The following EML5 variants were observed in gnomAD, a reference collection of about 807,000 sequenced individuals.
EML5 encodes echinoderm microtubule-associated protein-like 5.
A neutral mutation model predicts 250.0 loss-of-function variants in EML5; 120 were observed. The ratio of observed to expected loss-of-function variants is 0.48; its 90% CI spans 0.41 to 0.56. EML5 has a LOEUF of 0.56. EML5 is among the 20% of genes least tolerant of loss of function. The pLI, the probability that EML5 is intolerant of heterozygous loss-of-function variation, is 0.00. For missense variants in EML5, 2,006 were observed against 2,437.6 expected (o/e 0.82, Z 3.73); for synonymous variants, 771 against 806.5 (o/e 0.96, Z 0.75).
Position 88,614,938 on chromosome 14 carries a change from CTT to C in EML5, c.*878_*879del, listed in dbSNP as rs910960711. On this transcript the variant is annotated 3_prime_UTR_variant, in exon 44 of 44. Transcript: ENST00000554922. ...TAATGTTGTATATGTGAATTTAACA[CTT>C]TTGTTTACATGTTAAACAAATGTGT... 1 of 152,172 alleles carries C rather than the reference CTT, an allele frequency of 6.6e-6. No homozygotes were observed. Among genetic ancestry groups the C allele is most frequent in the African/African-American group, 2.4e-5 (1 of 41,462 alleles). 9.4% of individuals were successfully genotyped at this position (152,172 alleles called of 1,614,324 possible).
intron 20 of EML5, among the ~76,000 whole-genome samples, chr14:88,683,365 A>G (rs1238770590): frequency 6.6e-6 from 1 of 152,182 alleles, no homozygotes; most frequent in Non-Finnish European, 1.5e-5. Context: ...CTGTGGCACA[A>G]TTTATACCCA....
chr14:88,645,045 T>C (rs184751142), intron 29 of EML5, among the ~76,000 whole-genome samples: 2 of 126,984 alleles, frequency 1.6e-5, no homozygotes, highest in African/African-American at 5.0e-5. Flanking sequence ...CTTTCTTTTT[T>C]AGACCAAGTT....
intron 21 of EML5, among the ~76,000 whole-genome samples, chr14:88,666,840 T>C (rs748732198): frequency 3.9e-5 from 6 of 152,124 alleles, no homozygotes; most frequent in South Asian, 2.1e-4. Flanking sequence ...TGAAAAGTTA[T>C]AGCATAAGTT....
In EML5 at chr14:88,736,546, C is replaced by T; in HGVS notation, c.867G>A (p.Val289=). 6.2e-7 allele frequency: 1 copy of T among 1,614,016 alleles called. No individual in the cohort carries two copies. The highest frequency in any genetic ancestry group is 8.5e-7 in the Non-Finnish European group (1 of 1,179,898). The part of the protein sequence containing the change: ...QGYKGLSVRS[V]CWRGDHILVG... ...CTAGAATGTGGTCACCTCGCCAACA[C>T]ACACTCCTTACAGACAAACCTAGTA... Residue 289 remains valine, a synonymous_variant, in exon 7 of 44, where the codon GTG becomes GTA. Transcript: ENST00000554922.
chr14:88,791,179 G>T (rs896025486), intron 1 of EML5, among the ~76,000 whole-genome samples: 3 of 152,148 alleles, frequency 2.0e-5, no homozygotes, highest in Non-Finnish European at 4.4e-5. Context: ...ACGCAAAACA[G>T]AAGAACAACT....
chr14:88,749,184 A>T (rs2094053626), intron 2 of EML5, among the ~76,000 whole-genome samples: 2 of 152,206 alleles, frequency 1.3e-5, no homozygotes, highest in South Asian at 4.1e-4. Flanking sequence ...AACAGCAGCC[A>T]GACAAAAAAG....
chr14:88,732,308 T>C (rs1248351280), intron 7 of EML5, among the ~76,000 whole-genome samples: 1 of 152,194 alleles, frequency 6.6e-6, no homozygotes, highest in Non-Finnish European at 1.5e-5. Context: ...CCCAGCACCA[T>C]TTATTAAATA....
intron 36 of EML5, chr14:88,623,743 C>T (rs2089473029): frequency 6.6e-6 from 1 of 152,186 alleles, no homozygotes; most frequent in Non-Finnish European, 1.5e-5. Flanking sequence ...AAAACAGAAG[C>T]ATATTTATTC....
At position 88,663,056 on chromosome 14, in the gene EML5, T is replaced by C. The variant is rs1450745016; in HGVS notation, c.3473A>G (p.Lys1158Arg). The change falls in exon 24 of 44, where the codon AAA becomes AGA. Residue 1158 changes from lysine to arginine, a missense_variant. Physicochemically the swap from Lys to Arg is conservative, Grantham distance 26 (BLOSUM62 2). This residue lies in a region of EML5 where 1,375 missense variants were observed against 1,590.3 expected (regional missense o/e 0.86). Coordinates refer to ENST00000554922, the MANE Select transcript of EML5 (RefSeq NM_183387.3). ...EQLFFEAPRG[K>R]KQTIPSVEVE... ...CTCCACGCTGGGGATGGTTTGTTTTTTCCCTCTGGGAGCTTCAAAGAATAA... is the reference window on the plus strand; with the variant it reads ...CTCCACGCTGGGGATGGTTTGTTTTCTCCCTCTGGGAGCTTCAAAGAATAA... The C allele has an allele frequency of 1.3e-6, 2 of 1,553,416 alleles. No individual in the cohort carries two copies. The highest frequency in any genetic ancestry group is 1.7e-6 in the Non-Finnish European group (2 of 1,147,734).
Position 88,635,534 on chromosome 14 carries a change from A to G in EML5, c.4337-1045T>C, listed in dbSNP as rs534920705. ...TGAATGTCATCGGCCTAAATATTTT[A>G]AAGCTATCCATCAAGATAAAACTTA... On this transcript the variant is annotated intron_variant, in intron 32 of 43. Transcript: ENST00000554922. Among the ~76,000 whole-genome samples, 4 of 152,344 alleles carry G rather than the reference A, an allele frequency of 2.6e-5. No individual in the cohort carries two copies. The East Asian group carries it at 5.8e-4, about 22-fold the overall frequency.
At chr14:88,693,861 C>T (rs2093016401) in intron 17 of EML5, among the ~76,000 whole-genome samples, 1 of 147,904 alleles carries the variant, frequency 6.8e-6, no homozygotes, top group Non-Finnish European at 1.5e-5. Flanking sequence ...GCCTTAACCT[C>T]CTGGGCTCAA....
At chr14:88,724,564 A>G (rs2093638654) in intron 8 of EML5, among the ~76,000 whole-genome samples, 1 of 145,614 alleles carries the variant, frequency 6.9e-6, no homozygotes, top group African/African-American at 2.5e-5. Flanking sequence ...AAGTAAATGT[A>G]TAACTAAAAA....
At chr14:88,730,519 G>A (rs1228832615) in intron 7 of EML5, among the ~76,000 whole-genome samples, 19 of 152,148 alleles carry the variant, frequency 1.2e-4, no homozygotes, top group Non-Finnish European at 1.5e-5. Flanking sequence ...CTTTCTGTGA[G>A]AACAGTTGCT....
Position 88,664,433 on chromosome 14 carries a change from A to C in EML5, c.3409+60T>G, listed in dbSNP as rs1237352535. ...GTTGAATCACTTTTCCGTTTCTCTA[A>C]TATAGCTATACTAAATCAAATGAAA... On this transcript the variant is annotated intron_variant, in intron 23 of 43. Coordinates refer to ENST00000554922, the MANE Select transcript of EML5 (RefSeq NM_183387.3). The C allele has an allele frequency of 1.7e-5, 24 of 1,413,742 alleles. No homozygotes were observed. The East Asian group carries it at 4.4e-4, about 26-fold the overall frequency. The allele number at this position is 1,413,742 out of a possible 1,614,324, so 87.6% of individuals were successfully genotyped here. A position where few individuals can be genotyped will look rare whatever the true frequency, so the allele number is the denominator to read the frequency against.
At chr14:88,653,615 T>C (rs535146747) in intron 27 of EML5, among the ~76,000 whole-genome samples, 6 of 152,342 alleles carry the variant, frequency 3.9e-5, no homozygotes, top group African/African-American at 1.4e-4. Flanking sequence ...TTTTGGTATG[T>C]TGAATGAGCT....
At chr14:88,708,162 A>AT (rs1037160673) in intron 10 of EML5, among the ~76,000 whole-genome samples, 3 of 152,140 alleles carry the variant, frequency 2.0e-5, no homozygotes, top group Non-Finnish European at 2.9e-5. Context: ...AGAAACCAGT[A>AT]TTTTTAGTCA....
At position 88,781,612 on chromosome 14, in the gene EML5, G is replaced by A. The variant is rs140865423; in HGVS notation, c.197+10695C>T. Among the ~76,000 whole-genome samples the A allele has an allele frequency of 5.7e-3, 865 of 152,226 alleles. 7 individuals are homozygous for A. The highest frequency in any genetic ancestry group is 9.1e-3 in the Non-Finnish European group (621 of 68,024). ...GTAGTTCTCATAATCCCCAGACATGGGAGGGACCTGGACAAGGTAACTGAA... is the reference window on the plus strand; with the variant it reads ...GTAGTTCTCATAATCCCCAGACATGAGAGGGACCTGGACAAGGTAACTGAA... On this transcript the variant is annotated intron_variant, in intron 1 of 43. Transcript: ENST00000554922.
At position 88,705,564 on chromosome 14, in the gene EML5, T is replaced by G; in HGVS notation, c.1850A>C (p.Asp617Ala). Residue 617 changes from aspartate to alanine, a missense_variant, in exon 12 of 44, where the codon GAT (aspartate) becomes GCT (alanine). By Grantham distance (126) the Asp-to-Ala change is moderately radical. Coordinates refer to ENST00000554922, the MANE Select transcript of EML5 (RefSeq NM_183387.3). Reference protein sequence around the residue: ...PQESLADSHSDESDSDLSDVP... With the variant: ...PQESLADSHSAESDSDLSDVP... ...ATCAGACAGATCTGAATCTGATTCA[T>G]CACTATGAGAGTCAGCCAGACTTTC... 6.3e-7 allele frequency: 1 copy of G among 1,597,426 alleles called. No individual in the cohort carries two copies. The highest frequency in any genetic ancestry group is 8.5e-7 in the Non-Finnish European group (1 of 1,170,856).
chr14:88,678,438 A>C (rs2092644832), intron 21 of EML5, among the ~76,000 whole-genome samples: 1 of 152,176 alleles, frequency 6.6e-6, no homozygotes, highest in Non-Finnish European at 1.5e-5. Context: ...CCCGGAACTT[A>C]AAATAACATA....
Sources: gnomAD v4.1 joint callset for allele counts (sites outside exome capture counted in the v4.1 genomes callset) on GRCh38, gnomAD v4.1.1 for gene constraint, gnomAD v4.1.1 regional missense constraint, MANE v1.5 for transcripts, NCBI Gene and HGNC (gene_info 2026-07-23, HGNC 2026-07-21) for gene names.